Variants in DAB2IP observed in about 807,000 individuals in gnomAD.
DAB2IP encodes the protein disabled homolog 2-interacting protein.
Under a neutral mutation model 107.2 loss-of-function variants are expected in DAB2IP, and 28 were observed. The ratio of observed to expected loss-of-function variants is 0.26; its 90% CI spans 0.19 to 0.36. The LOEUF (loss-of-function observed/expected upper bound fraction) is 0.36. Ranked by LOEUF, DAB2IP falls within the 10% of genes least tolerant of loss-of-function variation. The probability of loss-of-function intolerance (pLI) is 1.00; values close to 1 mark genes in which losing one functional copy is unlikely to be tolerated. For missense variants in DAB2IP, 1,400 were observed against 1,644.7 expected, an observed-to-expected ratio of 0.85 and a Z score of 2.57; for synonymous variants, 755 against 706.4, an observed-to-expected ratio of 1.07 and a Z score of -1.09.
intron 3 of DAB2IP, among the ~76,000 whole-genome samples, chr9:121,705,234 C>T (rs1057506870): frequency 1.3e-5 from 2 of 152,184 alleles, no homozygotes; most frequent in African/African-American, 4.8e-5. Context: ...TTTGCACAAG[C>T]ATATGTTTGT....
intron 13 of DAB2IP, among the ~76,000 whole-genome samples, chr9:121,775,884 C>T (rs2119023538): frequency 6.6e-6 from 1 of 152,286 alleles, no homozygotes; most frequent in East Asian, 1.9e-4. Context: ...TAACCTTTGT[C>T]ATATAAAAGT....
chr9:121,620,443 C>T (rs921617491), intron 1 of DAB2IP, among the ~76,000 whole-genome samples: 3 of 152,152 alleles, frequency 2.0e-5, no homozygotes, highest in African/African-American at 7.2e-5. Flanking sequence ...TGAGGCTTGA[C>T]CTGCTGAGTA....
intron 14 of DAB2IP, among the ~76,000 whole-genome samples, chr9:121,778,211 A>G (rs961669511): frequency 1.3e-5 from 2 of 152,164 alleles, no homozygotes; most frequent in East Asian, 1.9e-4. Flanking sequence ...GGCTTCTTGT[A>G]TAATATAAAA....
Position 121,776,437 on chromosome 9 carries a change from A to T in DAB2IP, c.3314+46A>T, listed in dbSNP as rs1564231874. On this transcript the variant is annotated intron_variant, in intron 14 of 15. Transcript: ENST00000408936. The surrounding 1 kb of genome is among the most constrained non-coding windows in gnomAD (Gnocchi z 5.4). ...GCCTGGCCACAGGCACAGGCAGGGC[A>T]GCCATCGCTGCCTTCGAGGAGGCCC... 1 of 1,466,858 alleles carries T rather than the reference A, an allele frequency of 6.8e-7. No homozygotes were observed. The highest frequency in any genetic ancestry group is 2.5e-5 in the East Asian group (1 of 40,212). 90.9% of individuals were successfully genotyped at this position (1,466,858 alleles called of 1,614,324 possible). A position where few individuals can be genotyped will look rare whatever the true frequency, so the allele number is the denominator to read the frequency against.
chr9:121,783,857 C>A lies in DAB2IP; in HGVS notation c.*1359C>A, dbSNP rs556287311. 6.1e-4 allele frequency: 279 copies of A among 457,278 alleles called. 1 individual carries two copies. Among genetic ancestry groups the A allele is most frequent in the African/African-American group, 5.2e-3 (266 of 51,148 alleles). The allele number at this position is 457,278 out of a possible 1,614,324, so 28.3% of individuals were successfully genotyped here. On this transcript the variant is annotated 3_prime_UTR_variant, in exon 16 of 16. Coordinates refer to ENST00000408936, the Ensembl canonical transcript of DAB2IP. ...AAGACAGATGAGCAGGAGCTTGGGT[C>A]TCTCTCGGCCCCTGTCTGTTCCCAG...
intron 3 of DAB2IP, among the ~76,000 whole-genome samples, chr9:121,729,022 C>T (rs1168154663): frequency 1.3e-5 from 2 of 152,170 alleles, no homozygotes; most frequent in Non-Finnish European, 2.9e-5. Flanking sequence ...CTAAAGATAA[C>T]AACAACAATA....
At chr9:121,737,646 C>T (rs1832023634) in intron 3 of DAB2IP, 1 of 985,472 alleles carries the variant, frequency 1.0e-6, no homozygotes, top group Non-Finnish European at 1.2e-6. Context: ...CCAGATCTGG[C>T]TCCAGAGCCT....
At chr9:121,617,853 G>C (rs1303854038) in intron 1 of DAB2IP, among the ~76,000 whole-genome samples, 9 of 152,220 alleles carry the variant, frequency 5.9e-5, no homozygotes, top group Non-Finnish European at 1.5e-5. Flanking sequence ...GTGGAAGAGC[G>C]GGGTGCGTAC....
chr9:121,611,128 A>C (rs1192734415), intron 1 of DAB2IP, among the ~76,000 whole-genome samples: 9 of 152,090 alleles, frequency 5.9e-5, no homozygotes, highest in Non-Finnish European at 1.0e-4. Flanking sequence ...GGTGCCTGCC[A>C]CCACGCCCGG....
At chr9:121,587,773 T>C (rs897566078) in intron 1 of DAB2IP, among the ~76,000 whole-genome samples, 3 of 151,922 alleles carry the variant, frequency 2.0e-5, no homozygotes, top group Admixed American at 6.6e-5. Context: ...GGTGAGAGTG[T>C]GGGAGACCCA....
intron 14 of DAB2IP, among the ~76,000 whole-genome samples, chr9:121,779,191 G>A (rs1375786287): frequency 6.6e-6 from 1 of 151,914 alleles, no homozygotes; most frequent in Non-Finnish European, 1.5e-5. Context: ...TTTTTTCACA[G>A]CAGATAATTA....
intron 6 of DAB2IP, among the ~76,000 whole-genome samples, chr9:121,761,052 G>T (rs1833850827): frequency 6.6e-6 from 1 of 152,174 alleles, no homozygotes; most frequent in Non-Finnish European, 1.5e-5. Context: ...AGGGCCAGAG[G>T]TGCTCAATGT....
intron 1 of DAB2IP, among the ~76,000 whole-genome samples, chr9:121,657,279 C>T (rs369348706): frequency 6.6e-6 from 1 of 152,230 alleles, no homozygotes; most frequent in Non-Finnish European, 1.5e-5. Context: ...CACCTGAGGC[C>T]TAATCCCCAG....
chr9:121,755,986 G>C (rs894430426), intron 3 of DAB2IP, among the ~76,000 whole-genome samples: 1 of 152,140 alleles, frequency 6.6e-6, no homozygotes, highest in African/African-American at 2.4e-5. Flanking sequence ...AGGTCCATGT[G>C]GGCTAAGCCT....
Position 121,782,716 on chromosome 9 carries a change from C to T in DAB2IP, c.*218C>T, listed in dbSNP as rs761585148. On this transcript the variant is annotated 3_prime_UTR_variant, in exon 16 of 16. Coordinates refer to ENST00000408936, the Ensembl canonical transcript of DAB2IP. The surrounding 1 kb of genome is among the most constrained non-coding windows in gnomAD (Gnocchi z 6.1). ...GTCACCAGCCGCTCCCTGTGGGGTG[C>T]GGGCAGAAGAGACTGCACGCTGGGG... The T allele has an allele frequency of 6.7e-4, 939 of 1,404,868 alleles. 3 individuals carry two copies. The highest frequency in any genetic ancestry group is 7.9e-4 in the Non-Finnish European group (856 of 1,081,122). 87.0% of individuals were successfully genotyped at this position (1,404,868 alleles called of 1,614,324 possible).
chr9:121,665,742 C>T (rs1188663668), intron 1 of DAB2IP, among the ~76,000 whole-genome samples: 1 of 152,200 alleles, frequency 6.6e-6, no homozygotes, highest in African/African-American at 2.4e-5. Flanking sequence ...AAGAGCAAAG[C>T]TTACCTTATA....
At chr9:121,602,545 C>T (rs1830718655) in intron 1 of DAB2IP, among the ~76,000 whole-genome samples, 1 of 150,878 alleles carries the variant, frequency 6.6e-6, no homozygotes. Context: ...AGGCACATGC[C>T]ACCATGCTCA....
rs867176346 is a variant in DAB2IP, at chr9:121,699,263, C to G, written c.229-62C>G. On this transcript the variant is annotated intron_variant, in intron 2 of 15. Coordinates refer to ENST00000408936, the Ensembl canonical transcript of DAB2IP. The surrounding 1 kb of genome is among the most constrained non-coding windows in gnomAD (Gnocchi z 6.2). ...CAAGGGTGCGGGTCCCGCGCGGGTC[C>G]CGGCCCGCCGCCGCCGCGCTAACCC... The G allele has an allele frequency of 2.4e-4, 301 of 1,259,348 alleles. 1 individual carries two copies. The Middle Eastern group carries it at 4.2e-3, about 18-fold the overall frequency. 78.0% of individuals were successfully genotyped at this position (1,259,348 alleles called of 1,614,324 possible). A position where few individuals can be genotyped will look rare whatever the true frequency, so the allele number is the denominator to read the frequency against.
intron 1 of DAB2IP, among the ~76,000 whole-genome samples, chr9:121,653,346 A>G (rs1009003310): frequency 6.6e-6 from 1 of 151,844 alleles, no homozygotes; most frequent in African/African-American, 2.4e-5. Context: ...CTGTCCTTCT[A>G]TTTAATTCTG....
Sources: gnomAD v4.1 joint callset for allele counts (sites outside exome capture counted in the v4.1 genomes callset) on GRCh38, gnomAD v4.1.1 for gene constraint, Gnocchi (gnomAD v3.1) non-coding constraint, MANE v1.5 for transcripts, NCBI Gene and HGNC (gene_info 2026-07-23, HGNC 2026-07-21) for gene names.